Variants in ACOXL observed in about 807,000 individuals in gnomAD.
ACOXL encodes acyl-coenzyme A oxidase-like protein.
In ACOXL, 70 loss-of-function variants were observed where a neutral mutation model predicts 71.9. That is an observed-to-expected ratio of 0.97 (90% confidence interval 0.80 to 1.19). ACOXL has a LOEUF of 1.19. Among genes scored for constraint, ACOXL ranks in the 50% most tolerant of loss-of-function variants. The pLI is 0.00. For missense variants in ACOXL, 703 were observed against 736.3 expected (o/e 0.95, Z 0.52); for synonymous variants, 253 against 281.6 (o/e 0.90, Z 1.02).
chr2:110,925,449 A>C (rs886747592), intron 11 of ACOXL, among the ~76,000 whole-genome samples: 14 of 152,262 alleles, frequency 9.2e-5, no homozygotes, highest in African/African-American at 3.4e-4. Flanking sequence ...CTTCTACATC[A>C]GCACTTGCTG....
intron 9 of ACOXL, among the ~76,000 whole-genome samples, chr2:110,819,993 G>T (rs1688404160): frequency 1.3e-5 from 2 of 152,182 alleles, no homozygotes; most frequent in Admixed American, 6.5e-5. Flanking sequence ...ATGCTGATGG[G>T]ATTCTGTGAG....
At chr2:111,011,322 C>T (rs1189039791) in intron 14 of ACOXL, among the ~76,000 whole-genome samples, 1 of 151,954 alleles carries the variant, frequency 6.6e-6, no homozygotes, top group Non-Finnish European at 1.5e-5. Context: ...TGAAAGAAGA[C>T]ATGGAAGAAG....
intron 16 of ACOXL, among the ~76,000 whole-genome samples, chr2:111,078,654 T>TA (rs1431875343): frequency 9.8e-5 from 15 of 152,384 alleles, no homozygotes; most frequent in African/African-American, 3.6e-4. Flanking sequence ...TTAGAATGGC[T>TA]ACTTTAAAGC....
At chr2:110,914,195 A>G (rs995936150) in intron 11 of ACOXL, among the ~76,000 whole-genome samples, 38 of 152,176 alleles carry the variant, frequency 2.5e-4, no homozygotes, top group African/African-American at 5.3e-4. Context: ...AGAGGAGGAA[A>G]AAAAAGAAAT....
intron 14 of ACOXL, among the ~76,000 whole-genome samples, chr2:111,005,914 G>A (rs1252732373): frequency 6.6e-6 from 1 of 152,170 alleles, no homozygotes; most frequent in East Asian, 1.9e-4. Flanking sequence ...GAGACATTGT[G>A]GGTAGGGACA....
At chr2:110,740,627 T>C (rs1677405572) in intron 1 of ACOXL, among the ~76,000 whole-genome samples, 1 of 152,260 alleles carries the variant, frequency 6.6e-6, no homozygotes, top group Non-Finnish European at 1.5e-5. Context: ...AATATGCCTT[T>C]GTATTTGTAA....
chr2:110,793,362 C>T (rs2105260579), intron 3 of ACOXL, among the ~76,000 whole-genome samples: 1 of 152,322 alleles, frequency 6.6e-6, no homozygotes, highest in East Asian at 1.9e-4. Context: ...GAGGACAAAG[C>T]AGAATGAGCT....
intron 14 of ACOXL, among the ~76,000 whole-genome samples, chr2:111,003,719 T>C (rs1209477527): frequency 6.6e-6 from 1 of 152,118 alleles, no homozygotes; most frequent in Non-Finnish European, 1.5e-5. Context: ...CTAAAAATTA[T>C]AAACCTTGCA....
intron 9 of ACOXL, among the ~76,000 whole-genome samples, chr2:110,808,741 C>T (rs537124997): frequency 6.6e-6 from 1 of 152,324 alleles, no homozygotes; most frequent in Non-Finnish European, 1.5e-5. Context: ...TTCAGAAAGG[C>T]CTCAGCCTGC....
chr2:110,964,387 A>G (rs17041661), intron 12 of ACOXL, among the ~76,000 whole-genome samples: 20,028 of 152,238 alleles, frequency 0.13, 2,146 homozygotes, highest in African/African-American at 0.3. Context: ...CTTTTAAAAT[A>G]GTGCTTTCAG....
intron 10 of ACOXL, among the ~76,000 whole-genome samples, chr2:110,859,325 G>A (rs1213664376): frequency 6.6e-6 from 1 of 152,280 alleles, no homozygotes; most frequent in African/African-American, 2.4e-5. Context: ...GGCTAGATGT[G>A]CTTTGTTTCG....
rs1681384771 is a variant in ACOXL, at chr2:110,768,332, T to G, written c.-22-36T>G. On this transcript the variant is annotated intron_variant, in intron 1 of 17. Transcript: ENST00000439055. The stretch of plus-strand genomic sequence containing the variant: ...TCCACAGCCTCCCCTCAGTCACCAA[T>G]TATTGGCTGTCTTATTTTGTATCTG... 1.9e-6 allele frequency: 3 copies of G among 1,574,478 alleles called. No homozygotes were observed. The Admixed American group carries it at 5.0e-5, about 26-fold the overall frequency.
At chr2:110,833,707 G>T (rs1690121061) in intron 9 of ACOXL, among the ~76,000 whole-genome samples, 1 of 152,170 alleles carries the variant, frequency 6.6e-6, no homozygotes, top group Admixed American at 6.5e-5. Context: ...CAGATCTCCT[G>T]CACTCTTTTT....
chr2:111,107,757 G>A (rs1040259081), intron 17 of ACOXL, among the ~76,000 whole-genome samples: 1 of 152,244 alleles, frequency 6.6e-6, no homozygotes, highest in Non-Finnish European at 1.5e-5. Flanking sequence ...CAAAGTGTTA[G>A]GATTACAGGC....
chr2:111,085,735 GA>G (rs2068174323), intron 16 of ACOXL, among the ~76,000 whole-genome samples: 1 of 151,882 alleles, frequency 6.6e-6, no homozygotes, highest in Non-Finnish European at 1.5e-5. Flanking sequence ...AATCAAAGCA[GA>G]ACTGAAGGAG....
At chr2:110,863,186 A>G (rs1694165005) in intron 10 of ACOXL, among the ~76,000 whole-genome samples, 1 of 152,254 alleles carries the variant, frequency 6.6e-6, no homozygotes, top group Admixed American at 6.5e-5. Flanking sequence ...AAAATTGGAA[A>G]CAACACAAGA....
At chr2:110,858,203 C>T (rs780862199) in intron 10 of ACOXL, among the ~76,000 whole-genome samples, 27 of 152,256 alleles carry the variant, frequency 1.8e-4, no homozygotes, top group East Asian at 9.6e-4. Context: ...AGACAAAATT[C>T]CCTGAAACAA....
At chr2:110,767,980 A>AC (rs1491169203) in intron 1 of ACOXL, among the ~76,000 whole-genome samples, 8 of 136,162 alleles carry the variant, frequency 5.9e-5, no homozygotes, top group African/African-American at 1.9e-4. Flanking sequence ...ACACACACAC[A>AC]AATTAGCTGG....
chr2:110,856,963 T>C (rs764904370), intron 10 of ACOXL, among the ~76,000 whole-genome samples: 1 of 152,256 alleles, frequency 6.6e-6, no homozygotes, highest in South Asian at 2.1e-4. Context: ...TGGAGTCTTA[T>C]TCATTCTTCA....
Sources: allele counts gnomAD v4.1 joint callset (sites outside exome capture counted in the v4.1 genomes callset), GRCh38; gene constraint gnomAD v4.1.1; transcripts MANE v1.5; gene names NCBI Gene and HGNC (gene_info 2026-07-23, HGNC 2026-07-21).